CCDC192: variants seen among roughly 807,000 people sequenced by gnomAD.
CCDC192 encodes coiled-coil domain containing 192, also known as coiled-coil domain-containing protein 192.
chr5:127,786,037 T>C, intron 3 of CCDC192: 1 of 634,894 alleles, frequency 1.6e-6, no homozygotes, highest in Non-Finnish European at 2.9e-6. Context: ...CTCCAGCAGT[T>C]TTTTCAATTC....
At chr5:127,845,361 TG>T (rs1750486152) in intron 5 of CCDC192, among the ~76,000 whole-genome samples, 1 of 152,014 alleles carries the variant, frequency 6.6e-6, no homozygotes, top group African/African-American at 2.4e-5. Context: ...ACTAAGAAGG[TG>T]GTTCTTTTGT....
In CCDC192 at chr5:127,938,419, C is replaced by A. The variant is rs375072092; in HGVS notation, c.536-2763C>A. Among the ~76,000 whole-genome samples the A allele has an allele frequency of 1.2e-4, 18 of 152,276 alleles. No homozygotes were observed. The East Asian group carries it at 2.7e-3, about 23-fold the overall frequency. ...AGGACCAGAGATCCTCCCTCTCAAA[C>A]AATATCTGTGCAGGTTAACTAGAGC... On this transcript the variant is annotated intron_variant, in intron 6 of 6. Coordinates refer to ENST00000514853, the MANE Select transcript of CCDC192 (RefSeq NM_001317938.2).
Position 127,911,092 on chromosome 5 carries a change from C to T in CCDC192, c.536-30090C>T, listed in dbSNP as rs371070393. On this transcript the variant is annotated intron_variant, in intron 6 of 6. Transcript: ENST00000514853. Reference sequence around the variant, plus strand: ...TAATAGCTACCTAAAATGCCCATCACGGTCAGTCCAATTATCAAATCCTGC... The same window carrying T: ...TAATAGCTACCTAAAATGCCCATCATGGTCAGTCCAATTATCAAATCCTGC... 5.9e-5 allele frequency among the ~76,000 whole-genome samples: 9 copies of T among 152,200 alleles called. No homozygotes were observed. In the East Asian group the frequency reaches 1.3e-3, roughly 23 times the overall value.
chr5:127,867,656 C>T (rs556519554), intron 5 of CCDC192, among the ~76,000 whole-genome samples: 6 of 152,194 alleles, frequency 3.9e-5, no homozygotes, highest in Non-Finnish European at 8.8e-5. Context: ...TCTGTCTGTT[C>T]TCAGGGTGTG....
intron 2 of CCDC192, among the ~76,000 whole-genome samples, chr5:127,726,898 C>G (rs953262361): frequency 6.6e-6 from 1 of 152,206 alleles, no homozygotes; most frequent in Non-Finnish European, 1.5e-5. Context: ...AAGGGGCCAC[C>G]AGAGTGCTTC....
intron 6 of CCDC192, among the ~76,000 whole-genome samples, chr5:127,897,035 GTATTT>G (rs1412719275): frequency 2.0e-5 from 3 of 150,746 alleles, no homozygotes; most frequent in Non-Finnish European, 1.5e-5. Context: ...GTCAACTTTT[GTATTT>G]CTTCTCTAAT....
At chr5:127,763,289 A>G (rs532923351) in intron 3 of CCDC192, among the ~76,000 whole-genome samples, 4 of 152,292 alleles carry the variant, frequency 2.6e-5, no homozygotes, top group Non-Finnish European at 5.9e-5. Flanking sequence ...TAGGCCAGTG[A>G]TCAGTGCCAC....
intron 5 of CCDC192, among the ~76,000 whole-genome samples, chr5:127,831,894 A>G (rs1749812760): frequency 6.6e-6 from 1 of 152,132 alleles, no homozygotes; most frequent in Non-Finnish European, 1.5e-5. Flanking sequence ...AGGAAAATCA[A>G]AACATTAATT....
At chr5:127,800,801 T>G (rs1381156957) in intron 5 of CCDC192, among the ~76,000 whole-genome samples, 2 of 152,164 alleles carry the variant, frequency 1.3e-5, no homozygotes, top group African/African-American at 2.4e-5. Flanking sequence ...TCTCTGCCTC[T>G]GTCCTACTTT....
intron 3 of CCDC192, among the ~76,000 whole-genome samples, chr5:127,771,610 G>C (rs867202140): frequency 2.6e-5 from 4 of 152,200 alleles, no homozygotes; most frequent in African/African-American, 9.6e-5. Flanking sequence ...AGGAGCAAAG[G>C]CTTTGTGACA....
intron 6 of CCDC192, among the ~76,000 whole-genome samples, chr5:127,896,527 G>A (rs532399296): frequency 2.0e-5 from 3 of 151,640 alleles, no homozygotes; most frequent in Non-Finnish European, 4.4e-5. Context: ...TCTGCCTCCC[G>A]GGTTCAAGGG....
chr5:127,896,857 A>G (rs1752903516), intron 6 of CCDC192, among the ~76,000 whole-genome samples: 1 of 152,312 alleles, frequency 6.6e-6, no homozygotes, highest in South Asian at 2.1e-4. Context: ...ATAATTGCTC[A>G]ATCAGAATGT....
At chr5:127,934,955 TAATCCAAACAGC>T in intron 6 of CCDC192, among the ~76,000 whole-genome samples, 1 of 152,208 alleles carries the variant, frequency 6.6e-6, no homozygotes, top group Non-Finnish European at 1.5e-5. Context: ...CATTGTCTTT[TAATCCAAACAGC>T]AATCCTGGGT....
chr5:127,858,298 C>T (rs1751190929), intron 5 of CCDC192, among the ~76,000 whole-genome samples: 1 of 152,202 alleles, frequency 6.6e-6, no homozygotes, highest in South Asian at 2.1e-4. Flanking sequence ...TGGATTTCAT[C>T]CAGGCCCTGG....
At chr5:127,771,697 C>T (rs1755563023) in intron 3 of CCDC192, among the ~76,000 whole-genome samples, 1 of 152,164 alleles carries the variant, frequency 6.6e-6, no homozygotes, top group South Asian at 2.1e-4. Flanking sequence ...TCTATTTGTT[C>T]AGTAAGAATG....
intron 2 of CCDC192, among the ~76,000 whole-genome samples, chr5:127,752,188 A>G (rs1406282012): frequency 1.3e-5 from 2 of 151,846 alleles, no homozygotes; most frequent in Admixed American, 6.6e-5. Flanking sequence ...GAGGAGAGGC[A>G]CTCTGATTTT....
chr5:127,767,581 C>T (rs1003302487), intron 3 of CCDC192, among the ~76,000 whole-genome samples: 10 of 152,016 alleles, frequency 6.6e-5, no homozygotes, highest in Admixed American at 1.3e-4. Flanking sequence ...CCTTTATATC[C>T]GAGTCAATGA....
In CCDC192 at chr5:127,879,284, A is replaced by G. The variant is rs11505139; in HGVS notation, c.535+3623A>G. Among the ~76,000 whole-genome samples, 16 of 150,730 alleles carry G rather than the reference A, an allele frequency of 1.1e-4. No homozygotes were observed. In the South Asian group the frequency reaches 3.2e-3, roughly 30 times the overall value. On this transcript the variant is annotated intron_variant, in intron 6 of 6. Coordinates refer to ENST00000514853, the MANE Select transcript of CCDC192 (RefSeq NM_001317938.2). ...ACAGAGCCCTCAGAAGTAACACCGC[A>G]TATCTACAACTATCTGATCTTTGAC...
intron 6 of CCDC192, among the ~76,000 whole-genome samples, chr5:127,892,013 A>T (rs1317631164): frequency 6.6e-6 from 1 of 152,200 alleles, no homozygotes; most frequent in African/African-American, 2.4e-5. Flanking sequence ...AGACAGGCAG[A>T]AGTACTGTCT....
Sources: gnomAD v4.1 joint callset for allele counts (sites outside exome capture counted in the v4.1 genomes callset) on GRCh38, gnomAD v4.1.1 for gene constraint, MANE v1.5 for transcripts, NCBI Gene and HGNC (gene_info 2026-07-23, HGNC 2026-07-21) for gene names.